NSG2: variants seen among roughly 807,000 people sequenced by gnomAD.
NSG2 encodes the protein neuronal vesicle trafficking associated 2.
In NSG2, 4 loss-of-function variants were observed where a neutral mutation model predicts 16.9. The observed-to-expected ratio is 0.24, with a 90% confidence interval of 0.12 to 0.54. The LOEUF (loss-of-function observed/expected upper bound fraction) is 0.54. NSG2 is among the 20% of genes least tolerant of loss of function. The probability of loss-of-function intolerance (pLI) is 0.95; values close to 1 mark genes in which losing one functional copy is unlikely to be tolerated. For synonymous variants in NSG2, 98 were observed against 88.7 expected, an observed-to-expected ratio of 1.11 and a Z score of -0.59; for missense variants, 179 against 221.1, an observed-to-expected ratio of 0.81 and a Z score of 1.21.
intron 4 of NSG2, among the ~76,000 whole-genome samples, chr5:174,106,525 A>G (rs1760983301): frequency 7.5e-6 from 1 of 133,886 alleles, no homozygotes. Context: ...TGACTGTTCT[A>G]TGTTTATTGT....
At position 174,052,488 on chromosome 5, in the gene NSG2, A is replaced by G. The variant is rs977454895; in HGVS notation, c.129+5604A>G. ...TACTGGCTGATCCCCTCTCTTGCCT[A>G]GCTTAAAACTGGACTCAATTTCTCT... On this transcript the variant is annotated intron_variant, in intron 2 of 4. Coordinates refer to ENST00000303177, the MANE Select transcript of NSG2 (RefSeq NM_015980.5). 4.3e-4 allele frequency among the ~76,000 whole-genome samples: 65 copies of G among 152,178 alleles called. 1 individual carries two copies. Among genetic ancestry groups the G allele is most frequent in the African/African-American group, 1.5e-3 (62 of 41,446 alleles).
chr5:174,078,909 A>G (rs1049784203), intron 3 of NSG2, among the ~76,000 whole-genome samples: 1 of 152,056 alleles, frequency 6.6e-6, no homozygotes, highest in African/African-American at 2.4e-5. Context: ...AGTCTATGGT[A>G]TTTTCTTATA....
intron 2 of NSG2, among the ~76,000 whole-genome samples, chr5:174,048,877 A>ATCCTGAAAGATCCAGGG (rs1474958131): frequency 6.6e-6 from 1 of 152,206 alleles, no homozygotes; most frequent in African/African-American, 2.4e-5. Context: ...GAAGCCAATT[A>ATCCTGAAAGATCCAGGG]TCCTGAAAGA....
intron 3 of NSG2, among the ~76,000 whole-genome samples, chr5:174,077,816 G>A (rs1026461308): frequency 3.3e-5 from 5 of 152,206 alleles, no homozygotes; most frequent in Admixed American, 1.3e-4. Context: ...TTATAGCCCC[G>A]TATGCCTATA....
At chr5:174,051,310 C>T (rs544661770) in intron 2 of NSG2, among the ~76,000 whole-genome samples, 24 of 152,250 alleles carry the variant, frequency 1.6e-4, no homozygotes, top group Admixed American at 1.4e-3. Context: ...TTGGGAAACC[C>T]TGCCCTAGAG....
intron 2 of NSG2, among the ~76,000 whole-genome samples, chr5:174,048,709 CT>C (rs779881846): frequency 2.0e-5 from 3 of 152,196 alleles, no homozygotes; most frequent in Non-Finnish European, 4.4e-5. Context: ...TCTGTCCCCC[CT>C]TACTCTCCCA....
At chr5:174,085,757 A>G (rs1265676261) in intron 3 of NSG2, among the ~76,000 whole-genome samples, 1 of 152,168 alleles carries the variant, frequency 6.6e-6, no homozygotes, top group African/African-American at 2.4e-5. Flanking sequence ...TGCGGATGAA[A>G]GCTCCACATC....
chr5:174,098,684 TCTCA>T (rs1369054736), intron 3 of NSG2, among the ~76,000 whole-genome samples: 1 of 152,082 alleles, frequency 6.6e-6, no homozygotes, highest in Non-Finnish European at 1.5e-5. Flanking sequence ...TCATTGAATG[TCTCA>T]CTCTCTCCCT....
chr5:174,090,095 A>C (rs1760698305), intron 3 of NSG2, among the ~76,000 whole-genome samples: 2 of 152,208 alleles, frequency 1.3e-5, no homozygotes, highest in African/African-American at 4.8e-5. Context: ...CATTGGGCAC[A>C]GGGGCAGCTG....
Position 174,063,857 on chromosome 5 carries a change from A to AG in NSG2, c.130-375_130-374insG, listed in dbSNP as rs199916754. 3.6e-4 allele frequency among the ~76,000 whole-genome samples: 55 copies of AG among 152,336 alleles called. 1 individual carries two copies. In the East Asian group the frequency reaches 9.1e-3, roughly 25 times the overall value. ...ATACTATGCCAAAAGGCAAAATACA[A>AG]TGATATATTTGTTTACATTGGAAAA... On this transcript the variant is annotated intron_variant, in intron 2 of 4. Transcript: ENST00000303177.
At chr5:174,081,600 G>T (rs1335382894) in intron 3 of NSG2, 1 of 152,110 alleles carries the variant, frequency 6.6e-6, no homozygotes, top group Non-Finnish European at 1.5e-5. Flanking sequence ...ATCAGGTCTG[G>T]TATTAATGTC....
intron 3 of NSG2, among the ~76,000 whole-genome samples, chr5:174,073,361 C>T (rs1431919668): frequency 6.6e-6 from 1 of 152,170 alleles, no homozygotes; most frequent in Non-Finnish European, 1.5e-5. Flanking sequence ...CTCTCTCTTT[C>T]TTTTAAATTT....
At chr5:174,061,953 T>G (rs1760060579) in intron 2 of NSG2, among the ~76,000 whole-genome samples, 1 of 150,102 alleles carries the variant, frequency 6.7e-6, no homozygotes, top group Non-Finnish European at 1.5e-5. Flanking sequence ...TTGGGGGCAT[T>G]CTTGAATGCC....
intron 2 of NSG2, among the ~76,000 whole-genome samples, chr5:174,062,843 G>C (rs1760075096): frequency 6.6e-6 from 1 of 152,206 alleles, no homozygotes; most frequent in African/African-American, 2.4e-5. Context: ...CTTCATAGAA[G>C]AATTCTTGCT....
chr5:174,058,036 G>T (rs867693846), intron 2 of NSG2, among the ~76,000 whole-genome samples: 2 of 152,178 alleles, frequency 1.3e-5, no homozygotes, highest in Non-Finnish European at 2.9e-5. Flanking sequence ...ATAATGGAAT[G>T]AATTTTGAGA....
Position 174,104,345 on chromosome 5 carries a change from G to T in NSG2, c.324+7G>T. 1 of 1,591,978 alleles carries T rather than the reference G, an allele frequency of 6.3e-7. No individual in the cohort carries two copies. Among genetic ancestry groups the T allele is most frequent in the Non-Finnish European group, 8.6e-7 (1 of 1,159,878 alleles). ...AGAGGGATTCGTCTATAAGGTAAGA[G>T]GTGGTTGAGTAGTCCCAGGTCACTA... On this transcript the variant is annotated splice_region_variant and intron_variant, in intron 4 of 4. Transcript: ENST00000303177.
At position 174,087,230 on chromosome 5, in the gene NSG2, C is replaced by A. The variant is rs563139337; in HGVS notation, c.214-16998C>A. 3.3e-5 allele frequency among the ~76,000 whole-genome samples: 5 copies of A among 152,216 alleles called. No individual in the cohort carries two copies. In the South Asian group the frequency reaches 1.0e-3, roughly 32 times the overall value. ...TGACCAAACATTATGATAATGCAAT[C>A]TTTTTGGTTTGCGGATGGAGAGAAC... is the stretch of plus-strand genomic sequence containing the variant. On this transcript the variant is annotated intron_variant, in intron 3 of 4. Transcript: ENST00000303177.
At chr5:174,082,315 A>G (rs1760493812) in intron 3 of NSG2, 1 of 152,194 alleles carries the variant, frequency 6.6e-6, no homozygotes, top group South Asian at 2.1e-4. Flanking sequence ...CAGGGTGCGG[A>G]CATACAGCTG....
At chr5:174,062,162 G>A (rs762618881) in intron 2 of NSG2, among the ~76,000 whole-genome samples, 1 of 152,054 alleles carries the variant, frequency 6.6e-6, no homozygotes, top group Non-Finnish European at 1.5e-5. Context: ...ATCCAACGAG[G>A]TGGTCATGGT....
Sources: gnomAD v4.1 joint callset for allele counts (sites outside exome capture counted in the v4.1 genomes callset) on GRCh38, gnomAD v4.1.1 for gene constraint, MANE v1.5 for transcripts, NCBI Gene and HGNC (gene_info 2026-07-23, HGNC 2026-07-21) for gene names.